GRIK1: variants seen among roughly 807,000 people sequenced by gnomAD.
GRIK1 encodes glutamate receptor ionotropic, kainate 1.
GRIK1 carries 69 observed loss-of-function variants against 105.7 expected under a neutral mutation model. The observed-to-expected ratio is 0.65, with a 90% CI of 0.54 to 0.80. GRIK1 has a LOEUF of 0.80. Ranked by LOEUF, GRIK1 falls within the 30% of genes least tolerant of loss-of-function variation. GRIK1 has a pLI of 0.00. For synonymous variants in GRIK1, 438 were observed against 431.3 expected (o/e 1.02, Z -0.19); for missense variants, 1,109 against 1,167.3 (o/e 0.95, Z 0.73).
intron 7 of GRIK1, among the ~76,000 whole-genome samples, chr21:29,624,169 G>T (rs550770204): frequency 6.6e-6 from 1 of 152,066 alleles, no homozygotes; most frequent in South Asian, 2.1e-4. Flanking sequence ...AAAATATTTG[G>T]CAGTGACTAC....
At chr21:29,713,791 C>G (rs1468241998) in intron 1 of GRIK1, among the ~76,000 whole-genome samples, 1 of 152,054 alleles carries the variant, frequency 6.6e-6, no homozygotes. Context: ...TAATTTGGGA[C>G]AGATATTTCT....
At chr21:29,561,563 C>T (rs2090479796) in intron 15 of GRIK1, 61 bp downstream of exon 15, 2 of 1,103,982 alleles carry the variant, frequency 1.8e-6, no homozygotes, top group East Asian at 2.4e-5. Flanking sequence ...GAGCCCATTG[C>T]CTTCTATACT....
intron 16 of GRIK1, among the ~76,000 whole-genome samples, chr21:29,545,469 T>TTTTTTTG (rs1445864642): frequency 2.6e-5 from 4 of 152,180 alleles, no homozygotes; most frequent in African/African-American, 7.2e-5. Flanking sequence ...AAACGCTTGA[T>TTTTTTTG]TTTTTTGTTT....
intron 1 of GRIK1, among the ~76,000 whole-genome samples, chr21:29,764,746 G>T (rs1248397711): frequency 1.3e-5 from 2 of 151,984 alleles, no homozygotes; most frequent in Admixed American, 1.3e-4. Context: ...AATCAGAAAG[G>T]TACCTGCTCC....
rs574104861 is a variant in GRIK1 at position 29,937,763 on chromosome 21, A to G, written c.118+1620T>C. Among the ~76,000 whole-genome samples, 154 of 151,408 alleles carry G rather than the reference A, an allele frequency of 1.0e-3. 1 individual carries two copies. Among genetic ancestry groups the G allele is most frequent in the Non-Finnish European group, 1.7e-3 (113 of 67,918 alleles). ...TAATAAGTATTGGAAATTATAACAC[A>G]CACGCTCATTAGTTACTTTGTATTG... is the stretch of plus-strand genomic sequence containing the variant. On this transcript the variant is annotated intron_variant, in intron 1 of 17. Transcript: ENST00000327783.
At chr21:29,899,606 T>G (rs1242693232) in intron 1 of GRIK1, among the ~76,000 whole-genome samples, 1 of 152,078 alleles carries the variant, frequency 6.6e-6, no homozygotes, top group East Asian at 1.9e-4. Flanking sequence ...CTCCCAGAGC[T>G]GATAATCTAG....
At chr21:29,809,734 C>T (rs1360996894) in intron 1 of GRIK1, among the ~76,000 whole-genome samples, 1 of 152,198 alleles carries the variant, frequency 6.6e-6, no homozygotes, top group African/African-American at 2.4e-5. Context: ...TTTGCCATGT[C>T]TTCCTCACTA....
chr21:29,780,361 TAAC>T (rs1030650413), intron 1 of GRIK1, among the ~76,000 whole-genome samples: 18 of 152,340 alleles, frequency 1.2e-4, no homozygotes, highest in African/African-American at 4.3e-4. Context: ...TATTTTGTAA[TAAC>T]ATTATTGGAA....
intron 1 of GRIK1, among the ~76,000 whole-genome samples, chr21:29,851,136 C>A (rs998931360): frequency 2.0e-5 from 3 of 151,820 alleles, no homozygotes; most frequent in African/African-American, 4.8e-5. Context: ...CTCACTGCAA[C>A]CTCCGCCTCC....
intron 1 of GRIK1, among the ~76,000 whole-genome samples, chr21:29,728,223 C>T (rs956080224): frequency 6.6e-6 from 1 of 152,174 alleles, no homozygotes; most frequent in Non-Finnish European, 1.5e-5. Context: ...AAGTTCAAAA[C>T]CATACTATTG....
intron 1 of GRIK1, among the ~76,000 whole-genome samples, chr21:29,897,549 T>G (rs1157114890): frequency 6.6e-6 from 1 of 152,214 alleles, no homozygotes; most frequent in East Asian, 1.9e-4. Flanking sequence ...CAATAATGAT[T>G]TAGCTTTATT....
chr21:29,807,262 C>T (rs1202199223), intron 1 of GRIK1, among the ~76,000 whole-genome samples: 3 of 152,120 alleles, frequency 2.0e-5, no homozygotes, highest in Admixed American at 2.0e-4. Context: ...TGCCAACAAA[C>T]TGCCCCTTCC....
chr21:29,699,303 A>G (rs1181619999), intron 1 of GRIK1, among the ~76,000 whole-genome samples: 2 of 152,214 alleles, frequency 1.3e-5, no homozygotes, highest in African/African-American at 4.8e-5. Flanking sequence ...AGTGTCTTTA[A>G]AACAGTGACT....
chr21:29,791,773 CT>C (rs1206109462), intron 1 of GRIK1, among the ~76,000 whole-genome samples: 3 of 152,082 alleles, frequency 2.0e-5, no homozygotes, highest in Non-Finnish European at 4.4e-5. Flanking sequence ...ATGGAGATTA[CT>C]GTAGAGAGGA....
chr21:29,584,638 G>T (rs1416874200), intron 12 of GRIK1, among the ~76,000 whole-genome samples: 1 of 152,148 alleles, frequency 6.6e-6, no homozygotes, highest in Non-Finnish European at 1.5e-5. Context: ...TTGCTTAAAT[G>T]CAGTGATGGG....
intron 7 of GRIK1, among the ~76,000 whole-genome samples, chr21:29,633,158 A>G (rs964531841): frequency 1.3e-5 from 2 of 152,206 alleles, no homozygotes; most frequent in African/African-American, 4.8e-5. Flanking sequence ...CTCGCCAGAG[A>G]CTGGATGCTA....
chr21:29,645,111 T>A (rs1033885833), intron 6 of GRIK1, among the ~76,000 whole-genome samples: 1 of 152,260 alleles, frequency 6.6e-6, no homozygotes, highest in East Asian at 1.9e-4. Flanking sequence ...TAATTTACTA[T>A]GTGCCAGGCA....
intron 1 of GRIK1, among the ~76,000 whole-genome samples, chr21:29,704,085 A>C (rs2063861033): frequency 6.6e-6 from 1 of 152,222 alleles, no homozygotes; most frequent in South Asian, 2.1e-4. Flanking sequence ...TAAATTACCC[A>C]AAGCCAAAGT....
intron 1 of GRIK1, among the ~76,000 whole-genome samples, chr21:29,758,488 A>C (rs1424718524): frequency 6.6e-6 from 1 of 152,208 alleles, no homozygotes; most frequent in Non-Finnish European, 1.5e-5. Context: ...ACCTGCCCCC[A>C]AAATTCAATT....
Sources: gnomAD v4.1 joint callset for allele counts (sites outside exome capture counted in the v4.1 genomes callset) on GRCh38, gnomAD v4.1.1 for gene constraint, MANE v1.5 for transcripts, NCBI Gene and HGNC (gene_info 2026-07-23, HGNC 2026-07-21) for gene names.